Variants in GLRB observed in about 807,000 individuals in gnomAD.
The protein encoded by GLRB is glycine receptor beta.
GLRB carries 33 observed loss-of-function variants against 54.2 expected under a neutral mutation model. The ratio of observed to expected loss-of-function variants is 0.61; its 90% CI spans 0.46 to 0.81. The LOEUF (loss-of-function observed/expected upper bound fraction) is 0.81. Among genes scored for constraint, GLRB ranks in the 40% least tolerant of loss-of-function variants. The pLI is 0.00. For synonymous variants in GLRB, 209 were observed against 208.2 expected, an observed-to-expected ratio of 1.00 and a Z score of -0.03; for missense variants, 572 against 584.6, an observed-to-expected ratio of 0.98 and a Z score of 0.22.
chr4:157,108,795 G>A (rs1259485044), intron 2 of GLRB, among the ~76,000 whole-genome samples: 1 of 152,020 alleles, frequency 6.6e-6, no homozygotes, highest in East Asian at 1.9e-4. Flanking sequence ...CTATCAAACA[G>A]CACTGCATGT....
chr4:157,082,987 TATAC>T (rs1264803815), intron 2 of GLRB, among the ~76,000 whole-genome samples: 5 of 148,646 alleles, frequency 3.4e-5, no homozygotes, highest in South Asian at 2.1e-4. Context: ...TATATATATA[TATAC>T]ACACATACTT....
chr4:157,102,065 C>A (rs115816364), intron 2 of GLRB, among the ~76,000 whole-genome samples: 2,690 of 152,172 alleles, frequency 0.018, 63 homozygotes, highest in African/African-American at 0.059. Context: ...AAGGTGCCAA[C>A]TAATTTTTAA....
intron 9 of GLRB, among the ~76,000 whole-genome samples, chr4:157,153,462 C>G (rs770792848): frequency 4.2e-4 from 64 of 152,138 alleles, no homozygotes; most frequent in Non-Finnish European, 7.5e-4. Flanking sequence ...CCACCATTCC[C>G]CATTACATTA....
At chr4:157,165,611 G>T (rs922053465) in intron 9 of GLRB, among the ~76,000 whole-genome samples, 1 of 151,944 alleles carries the variant, frequency 6.6e-6, no homozygotes, top group Non-Finnish European at 1.5e-5. Flanking sequence ...ATGTTACCAT[G>T]CCTATATAAT....
rs1380176897 is a variant in GLRB, at chr4:157,120,383, TAATAATAAAATAAAATAA to T, written c.123-153_123-136del. ...ACATACCCTAAAACTTAAAATATAA[TAATAATAAAATAAAATAA>T]AATAATAAAATAAAATAAATAAAAA... is the stretch of plus-strand genomic sequence containing the variant. On this transcript the variant is annotated intron_variant, in intron 2 of 9. Transcript: ENST00000264428. 1.7e-4 allele frequency among the ~76,000 whole-genome samples: 25 copies of T among 148,722 alleles called. No homozygotes were observed. The East Asian group carries it at 2.8e-3, about 17-fold the overall frequency.
chr4:157,103,725 GT>G (rs969711931), intron 2 of GLRB, among the ~76,000 whole-genome samples: 1 of 152,002 alleles, frequency 6.6e-6, no homozygotes, highest in African/African-American at 2.4e-5. Flanking sequence ...TTTCATTGGT[GT>G]TTTATAGTTT....
chr4:157,155,995 C>A (rs1203607869), intron 9 of GLRB, among the ~76,000 whole-genome samples: 1 of 152,078 alleles, frequency 6.6e-6, no homozygotes, highest in East Asian at 1.9e-4. Flanking sequence ...TATCAGATAC[C>A]AAGGTCTGCT....
At chr4:157,166,354 T>C (rs559918539) in intron 9 of GLRB, among the ~76,000 whole-genome samples, 1 of 152,216 alleles carries the variant, frequency 6.6e-6, no homozygotes, top group East Asian at 1.9e-4. Context: ...TTATTTCATC[T>C]CTTTTCATGT....
At chr4:157,102,067 A>G (rs2126483363) in intron 2 of GLRB, among the ~76,000 whole-genome samples, 1 of 152,314 alleles carries the variant, frequency 6.6e-6, no homozygotes, top group East Asian at 1.9e-4. Flanking sequence ...GGTGCCAACT[A>G]ATTTTTAATG....
chr4:157,142,016 G>A (rs1038215282), intron 7 of GLRB, among the ~76,000 whole-genome samples: 1 of 152,104 alleles, frequency 6.6e-6, no homozygotes, highest in Admixed American at 6.6e-5. Flanking sequence ...CATTTCATAT[G>A]CACTAGGTGA....
chr4:157,131,959 G>T (rs1338659831), intron 4 of GLRB, among the ~76,000 whole-genome samples: 1 of 151,816 alleles, frequency 6.6e-6, no homozygotes, highest in Non-Finnish European at 1.5e-5. Flanking sequence ...TATGGTAAAA[G>T]TATGTTTCGT....
At chr4:157,167,996 G>A (rs1477982051) in intron 9 of GLRB, among the ~76,000 whole-genome samples, 1 of 152,172 alleles carries the variant, frequency 6.6e-6, no homozygotes, top group African/African-American at 2.4e-5. Flanking sequence ...AGCCAGTCAT[G>A]AGGGATCTGG....
chr4:157,167,996 G>GA (rs1737777604), intron 9 of GLRB, among the ~76,000 whole-genome samples: 1 of 152,172 alleles, frequency 6.6e-6, no homozygotes, highest in African/African-American at 2.4e-5. Context: ...AGCCAGTCAT[G>GA]AGGGATCTGG....
At chr4:157,140,582 T>C (rs977612016) in intron 7 of GLRB, among the ~76,000 whole-genome samples, 6 of 151,940 alleles carry the variant, frequency 3.9e-5, no homozygotes, top group African/African-American at 1.4e-4. Context: ...AACTTAATCA[T>C]CCCAACAATT....
chr4:157,113,213 A>G (rs1233288517), intron 2 of GLRB, among the ~76,000 whole-genome samples: 2 of 151,906 alleles, frequency 1.3e-5, no homozygotes, highest in Non-Finnish European at 2.9e-5. Flanking sequence ...TATATGGAAA[A>G]TTGAGAAAAG....
intron 9 of GLRB, among the ~76,000 whole-genome samples, chr4:157,155,579 A>G (rs549226784): frequency 6.6e-6 from 1 of 152,266 alleles, no homozygotes; most frequent in African/African-American, 2.4e-5. Context: ...TTCTATATGC[A>G]TTTCTTTTAG....
chr4:157,088,244 G>A (rs1388515825), intron 2 of GLRB, among the ~76,000 whole-genome samples: 1 of 152,098 alleles, frequency 6.6e-6, no homozygotes, highest in African/African-American at 2.4e-5. Flanking sequence ...TGGATGTGTG[G>A]TGTTCTTTAT....
chr4:157,095,676 T>A (rs1356050842), intron 2 of GLRB, among the ~76,000 whole-genome samples: 2 of 152,080 alleles, frequency 1.3e-5, no homozygotes, highest in African/African-American at 2.4e-5. Flanking sequence ...AAACTTTTTT[T>A]AAAAAGACAT....
At chr4:157,079,567 T>C (rs550656834) in intron 2 of GLRB, among the ~76,000 whole-genome samples, 3 of 152,310 alleles carry the variant, frequency 2.0e-5, no homozygotes, top group African/African-American at 7.2e-5. Flanking sequence ...CATATTCTGA[T>C]GTCAGGGCCA....
Sources: allele counts gnomAD v4.1 joint callset (sites outside exome capture counted in the v4.1 genomes callset), GRCh38; gene constraint gnomAD v4.1.1; transcripts MANE v1.5; gene names NCBI Gene and HGNC (gene_info 2026-07-23, HGNC 2026-07-21).